CELF2: variants seen among roughly 807,000 people sequenced by gnomAD.
CELF2 encodes CUG triplet repeat RNA-binding protein 2.
In CELF2, 8 loss-of-function variants were observed where a neutral mutation model predicts 62.6. The observed-to-expected ratio is 0.13, with a 90% CI of 0.07 to 0.23. The LOEUF (loss-of-function observed/expected upper bound fraction) is 0.23, where lower values mean the gene tolerates loss of function less well. Among genes scored for constraint, CELF2 ranks in the 10% least tolerant of loss-of-function variants. The probability of loss-of-function intolerance (pLI) is 1.00; values close to 1 mark genes in which losing one functional copy is unlikely to be tolerated. For missense variants in CELF2, 333 were observed against 671.0 expected, an observed-to-expected ratio of 0.50 and a Z score of 5.56; for synonymous variants, 258 against 250.0, an observed-to-expected ratio of 1.03 and a Z score of -0.30.
chr10:10,828,048 C>T lies in CELF2; in HGVS notation c.53+29231C>T, dbSNP rs529639484. 2.5e-3 allele frequency among the ~76,000 whole-genome samples: 298 copies of T among 117,754 alleles called. 1 individual carries two copies. The highest frequency in any genetic ancestry group is 4.0e-3 in the Admixed American group (43 of 10,802). The allele number at this position is 117,754 out of a possible 152,430, so 77.3% of individuals were successfully genotyped here. ...AAGCAGAAAATAACAAGTTTTGGTACAGTGTTGGTGGGAATGTAAAACAGT... is the reference window on the plus strand; with the variant it reads ...AAGCAGAAAATAACAAGTTTTGGTATAGTGTTGGTGGGAATGTAAAACAGT... On this transcript the variant is annotated intron_variant, in intron 1 of 13. Transcript: ENST00000636488.
At chr10:10,814,214 T>TAA (rs759524110) in intron 1 of CELF2, among the ~76,000 whole-genome samples, 6,005 of 44,314 alleles carry the variant, frequency 0.14, 1,352 homozygotes, top group East Asian at 0.23. Context: ...AGAAGAGTCC[T>TAA]AAAAAAAAAA....
chr10:11,076,006 A>G (rs1311519662), intron 1 of CELF2, among the ~76,000 whole-genome samples: 1 of 152,080 alleles, frequency 6.6e-6, no homozygotes, highest in African/African-American at 2.4e-5. Flanking sequence ...AGAAAATACC[A>G]ATTAAGAACA....
At position 11,319,086 on chromosome 10, in the gene CELF2, G is replaced by A; in HGVS notation, c.1097-2103G>A. On this transcript the variant is annotated intron_variant, in intron 10 of 12. Transcript: ENST00000633077. The surrounding 1 kb of genome is among the most constrained non-coding windows in gnomAD (Gnocchi z 4.4). ...GCACACCCAGAACCTCATGCCTTGA[G>A]ATCCAAGCAGAGCGGCGAGTCGCCG... 2.1e-6 allele frequency: 1 copy of A among 470,278 alleles called. No homozygotes were observed. Among genetic ancestry groups the A allele is most frequent in the South Asian group, 1.5e-5 (1 of 64,574 alleles). 29.1% of individuals were successfully genotyped at this position (470,278 alleles called of 1,614,324 possible).
intron 1 of CELF2, among the ~76,000 whole-genome samples, chr10:10,854,837 C>T (rs2059609000): frequency 6.6e-6 from 1 of 151,888 alleles, no homozygotes; most frequent in Admixed American, 6.6e-5. Context: ...ACCCCCTGTT[C>T]TAACCCCCTA....
chr10:11,016,446 T>A (rs2057273244), upstream of CELF2, among the ~76,000 whole-genome samples: 1 of 152,240 alleles, frequency 6.6e-6, no homozygotes, highest in Admixed American at 6.5e-5. This position sits in a 1 kb window ranked among gnomAD's most constrained non-coding sequence, Gnocchi z 5.2. Context: ...ACCAAGTCCA[T>A]TAAGCATGTG....
intron 3 of CELF2, among the ~76,000 whole-genome samples, chr10:11,218,785 T>C (rs747339801): frequency 5.9e-5 from 9 of 152,220 alleles, no homozygotes; most frequent in Non-Finnish European, 1.0e-4. Flanking sequence ...TCTAAGTGCT[T>C]CACTCAGTGA....
In CELF2 at chr10:10,836,475, C is replaced by T. The variant is rs117401262; in HGVS notation, c.53+37658C>T. On this transcript the variant is annotated intron_variant, in intron 1 of 13. Transcript: ENST00000636488. Reference sequence around the variant, plus strand: ...TGAAGTAGATAACAACAACAACCAACGCATTGGTGGCCAGGCAGAAGCCTT... The same window carrying T: ...TGAAGTAGATAACAACAACAACCAATGCATTGGTGGCCAGGCAGAAGCCTT... 6.8e-4 allele frequency among the ~76,000 whole-genome samples: 104 copies of T among 152,276 alleles called. 1 individual carries two copies. In the East Asian group the frequency reaches 0.017, roughly 25 times the overall value.
chr10:10,834,645 G>A (rs759090167), intron 1 of CELF2, among the ~76,000 whole-genome samples: 5 of 152,184 alleles, frequency 3.3e-5, no homozygotes, highest in African/African-American at 4.8e-5. Flanking sequence ...GGACCATCCT[G>A]CAAGTCAGAC....
At chr10:11,021,735 G>A (rs1456928720) in intron 1 of CELF2, among the ~76,000 whole-genome samples, 3 of 152,194 alleles carry the variant, frequency 2.0e-5, no homozygotes, top group African/African-American at 4.8e-5. Context: ...TGGTTTTCAA[G>A]TAAGTGAACA....
chr10:11,179,838 G>A (rs868007745), intron 2 of CELF2, among the ~76,000 whole-genome samples: 11 of 152,206 alleles, frequency 7.2e-5, no homozygotes, highest in African/African-American at 2.2e-4. Flanking sequence ...TGTCCAGCTC[G>A]TATAGAGTGT....
Position 11,319,068 on chromosome 10 carries a change from C to T in CELF2, c.1097-2121C>T, listed in dbSNP as rs1245810685. The T allele has an allele frequency of 6.4e-6, 3 of 470,538 alleles. No individual in the cohort carries two copies. The highest frequency in any genetic ancestry group is 6.9e-5 in the East Asian group (1 of 14,406). The allele number at this position is 470,538 out of a possible 1,614,324, so 29.1% of individuals were successfully genotyped here. A position where few individuals can be genotyped will look rare whatever the true frequency, so the allele number is the denominator to read the frequency against. On this transcript the variant is annotated intron_variant, in intron 10 of 12. Coordinates refer to ENST00000633077, the MANE Select transcript of CELF2 (RefSeq NM_001326342.2). This position sits in a 1 kb window ranked among gnomAD's most constrained non-coding sequence, Gnocchi z 4.4. ...GGCTCTGCAGGCTGCGAGGCACACC[C>T]AGAACCTCATGCCTTGAGATCCAAG...
At chr10:10,534,564 A>T in the CELF2 span, among the ~76,000 whole-genome samples, 5 of 152,248 alleles carry the variant, frequency 3.3e-5, no homozygotes, top group African/African-American at 1.2e-4. Context: ...AAATCTTATG[A>T]TGGCTTACTA....
chr10:10,880,450 T>C (rs781746985), intron 1 of CELF2, among the ~76,000 whole-genome samples: 5 of 152,112 alleles, frequency 3.3e-5, no homozygotes, highest in Admixed American at 6.6e-5. Flanking sequence ...CCTCATTCCT[T>C]AGGATGGTGA....
At chr10:10,999,891 C>T (rs951081017) in intron 2 of CELF2, among the ~76,000 whole-genome samples, 3 of 152,224 alleles carry the variant, frequency 2.0e-5, no homozygotes, top group East Asian at 3.8e-4. Flanking sequence ...GGTCGAGTAA[C>T]GTAGTTTCTC....
intron 1 of CELF2, among the ~76,000 whole-genome samples, chr10:10,878,979 C>T (rs936828137): frequency 6.6e-6 from 1 of 152,280 alleles, no homozygotes; most frequent in East Asian, 1.9e-4. Flanking sequence ...TTTCACACTT[C>T]TCACTCCCAG....
At chr10:11,326,078 C>A in intron 12 of CELF2, 99 bp downstream of exon 12, 1 of 1,195,568 alleles carries the variant, frequency 8.4e-7, no homozygotes, top group Non-Finnish European at 1.2e-6. Context: ...ATAGGGCCTT[C>A]CCCACATTGT....
the CELF2 span, among the ~76,000 whole-genome samples, chr10:10,502,393 C>A: frequency 1.3e-5 from 2 of 151,526 alleles, no homozygotes; most frequent in Admixed American, 1.3e-4. Flanking sequence ...CCAATGAAAC[C>A]CTCTGGGCCT....
the CELF2 span, among the ~76,000 whole-genome samples, chr10:10,554,490 G>A: frequency 6.6e-6 from 1 of 152,160 alleles, no homozygotes; most frequent in Admixed American, 6.5e-5. Context: ...TGTCAAGAGA[G>A]TACAGGGCAG....
intron 1 of CELF2, among the ~76,000 whole-genome samples, chr10:10,893,678 A>G (rs1054589846): frequency 2.6e-5 from 4 of 152,230 alleles, no homozygotes; most frequent in East Asian, 3.8e-4. Context: ...AGACCTCAGG[A>G]AGCTTCCAGT....
Sources: gnomAD v4.1 joint callset for allele counts (sites outside exome capture counted in the v4.1 genomes callset) on GRCh38, gnomAD v4.1.1 for gene constraint, Gnocchi (gnomAD v3.1) non-coding constraint, MANE v1.5 for transcripts, NCBI Gene and HGNC (gene_info 2026-07-23, HGNC 2026-07-21) for gene names.